The following PDE1C variants were observed in gnomAD, a reference collection of about 807,000 sequenced individuals.
The protein encoded by PDE1C is phosphodiesterase 1C.
A neutral mutation model predicts 93.1 loss-of-function variants in PDE1C; 62 were observed. The observed-to-expected ratio is 0.67, with a 90% CI of 0.54 to 0.82. PDE1C has a LOEUF of 0.82. Among genes scored for constraint, PDE1C ranks in the 40% least tolerant of loss-of-function variants. The probability of loss-of-function intolerance (pLI) is 0.00; values close to 1 mark genes in which losing one functional copy is unlikely to be tolerated. For missense variants in PDE1C, 742 were observed against 884.6 expected, an observed-to-expected ratio of 0.84 and a Z score of 2.04; for synonymous variants, 325 against 310.1, an observed-to-expected ratio of 1.05 and a Z score of -0.50.
At chr7:32,232,718 T>C (rs925605952) in intron 1 of PDE1C, among the ~76,000 whole-genome samples, 5 of 152,212 alleles carry the variant, frequency 3.3e-5, no homozygotes, top group African/African-American at 1.2e-4. Context: ...GTAAGCAGCA[T>C]ACCATAGGCT....
chr7:32,415,324 A>C (rs748537064), intron 1 of PDE1C, among the ~76,000 whole-genome samples: 1 of 152,008 alleles, frequency 6.6e-6, no homozygotes, highest in African/African-American at 2.4e-5. Flanking sequence ...GGTGGCATGC[A>C]CCTGTAGTCC....
chr7:32,116,399 T>C (rs1032762133), intron 3 of PDE1C, among the ~76,000 whole-genome samples: 1 of 152,084 alleles, frequency 6.6e-6, no homozygotes, highest in African/African-American at 2.4e-5. Flanking sequence ...CTCGGGGGAA[T>C]AGGAGAAGAG....
chr7:32,024,027 C>T (rs2128619647), intron 2 of PDE1C, among the ~76,000 whole-genome samples: 1 of 152,254 alleles, frequency 6.6e-6, no homozygotes, highest in South Asian at 2.1e-4. Flanking sequence ...TTTCCCCATA[C>T]ATTTCTTTGT....
At chr7:31,859,998 G>A (rs1196635961) in intron 7 of PDE1C, among the ~76,000 whole-genome samples, 1 of 152,052 alleles carries the variant, frequency 6.6e-6, no homozygotes, top group Admixed American at 6.6e-5. Context: ...GTTCACTATG[G>A]CAAACATTGC....
the PDE1C span, among the ~76,000 whole-genome samples, chr7:31,739,628 G>T: frequency 6.6e-6 from 1 of 152,176 alleles, no homozygotes; most frequent in African/African-American, 2.4e-5. Context: ...TGGAGCTACA[G>T]AATAAGTTCA....
At chr7:31,659,477 T>G in the PDE1C span, among the ~76,000 whole-genome samples, 1 of 152,198 alleles carries the variant, frequency 6.6e-6, no homozygotes, top group Non-Finnish European at 1.5e-5. Flanking sequence ...CCTCTCTGCT[T>G]CTTCTTCTGC....
intron 1 of PDE1C, among the ~76,000 whole-genome samples, chr7:32,294,405 A>T (rs1812513195): frequency 6.6e-6 from 1 of 152,182 alleles, no homozygotes; most frequent in Non-Finnish European, 1.5e-5. Context: ...CTAACTTCAC[A>T]TCCCTCTGAG....
the PDE1C span, among the ~76,000 whole-genome samples, chr7:31,647,785 A>C: frequency 6.6e-6 from 1 of 152,018 alleles, no homozygotes; most frequent in African/African-American, 2.4e-5. Context: ...TAGGTAAAGG[A>C]CTTGAAGACT....
At chr7:31,850,412 G>T (rs1439169635) in intron 8 of PDE1C, among the ~76,000 whole-genome samples, 1 of 152,048 alleles carries the variant, frequency 6.6e-6, no homozygotes, top group Non-Finnish European at 1.5e-5. Context: ...AGAAGAAAAA[G>T]ATATCTATAT....
the PDE1C span, chr7:31,642,165 T>G: frequency 6.4e-6 from 10 of 1,552,978 alleles, no homozygotes; most frequent in Non-Finnish European, 8.7e-6. Flanking sequence ...AAGACCTCTT[T>G]CATTCTGCAG....
chr7:32,298,989 C>T, exon 1 of PDE1C: 8 of 1,276,682 alleles, frequency 6.3e-6, no homozygotes, highest in Non-Finnish European at 7.9e-6. Flanking sequence ...AGCCGAGTTC[C>T]AGAGGCGGCG....
At chr7:31,635,468 G>A in the PDE1C span, among the ~76,000 whole-genome samples, 2 of 152,220 alleles carry the variant, frequency 1.3e-5, no homozygotes, top group Non-Finnish European at 2.9e-5. Context: ...CATCATTCAA[G>A]TGAGGTTCCC....
intron 2 of PDE1C, among the ~76,000 whole-genome samples, chr7:32,047,750 T>C (rs1792799238): frequency 6.6e-6 from 1 of 151,994 alleles, no homozygotes; most frequent in South Asian, 2.1e-4. Flanking sequence ...GGTAAACAAA[T>C]ACATAAGTGA....
chr7:31,925,836 C>T (rs1036962044), intron 2 of PDE1C, among the ~76,000 whole-genome samples: 3 of 152,040 alleles, frequency 2.0e-5, no homozygotes, highest in Non-Finnish European at 4.4e-5. Context: ...TATGAATTTT[C>T]CAATAAAATT....
intron 3 of PDE1C, among the ~76,000 whole-genome samples, chr7:32,103,504 G>A (rs980046573): frequency 1.3e-5 from 2 of 152,096 alleles, no homozygotes; most frequent in African/African-American, 4.8e-5. Flanking sequence ...CTTCTCTTGA[G>A]AAACTGAGGA....
At chr7:31,871,725 T>C (rs1326281490) in intron 6 of PDE1C, among the ~76,000 whole-genome samples, 2 of 150,258 alleles carry the variant, frequency 1.3e-5, no homozygotes, top group Admixed American at 1.3e-4. Flanking sequence ...GGTGAGGATG[T>C]AGAGAAAAGG....
At chr7:31,733,315 T>C in the PDE1C span, among the ~76,000 whole-genome samples, 1 of 152,194 alleles carries the variant, frequency 6.6e-6, no homozygotes, top group Admixed American at 6.5e-5. Flanking sequence ...GCTGAGCATA[T>C]TGCACAGTCA....
chr7:32,297,696 G>A (rs1460392439), intron 1 of PDE1C, among the ~76,000 whole-genome samples: 1 of 152,164 alleles, frequency 6.6e-6, no homozygotes, highest in Non-Finnish European at 1.5e-5. Context: ...TCTTGGTGAA[G>A]GGTTTTGGGG....
chr7:31,631,537 T>C, the PDE1C span, among the ~76,000 whole-genome samples: 3 of 152,350 alleles, frequency 2.0e-5, no homozygotes, highest in East Asian at 3.9e-4. Flanking sequence ...CTTGTATTAC[T>C]TCTATCATAC....
Sources: allele counts gnomAD v4.1 joint callset (sites outside exome capture counted in the v4.1 genomes callset), GRCh38; gene constraint gnomAD v4.1.1; transcripts MANE v1.5; gene names NCBI Gene and HGNC (gene_info 2026-07-23, HGNC 2026-07-21).